CACNA1A: variants seen among roughly 807,000 people sequenced by gnomAD.
The protein encoded by CACNA1A is voltage-dependent P/Q-type calcium channel subunit alpha-1A.
In CACNA1A, 57 loss-of-function variants were observed where a neutral mutation model predicts 262.4. That is an observed-to-expected ratio of 0.22 (90% CI 0.18 to 0.27). CACNA1A has a LOEUF of 0.27. Among genes scored for constraint, CACNA1A ranks in the 10% least tolerant of loss-of-function variants. The pLI, the probability that CACNA1A is intolerant of heterozygous loss-of-function variation, is 1.00. For missense variants in CACNA1A, 2,526 were observed against 3,562.8 expected (o/e 0.71, Z 7.41); for synonymous variants, 1,431 against 1,419.3 (o/e 1.01, Z -0.18).
At chr19:13,473,760 C>A (rs1469025700) in intron 1 of CACNA1A, among the ~76,000 whole-genome samples, 1 of 151,812 alleles carries the variant, frequency 6.6e-6, no homozygotes, top group African/African-American at 2.4e-5. Context: ...CCCCCACCCC[C>A]CTGCCTCCCA....
chr19:13,381,632 C>T (rs1322744287), intron 3 of CACNA1A, among the ~76,000 whole-genome samples: 2 of 152,124 alleles, frequency 1.3e-5, no homozygotes, highest in Admixed American at 6.6e-5. Flanking sequence ...ATGGAACAGC[C>T]GGTGCAAAGG....
intron 3 of CACNA1A, among the ~76,000 whole-genome samples, chr19:13,379,246 G>A (rs1324423020): frequency 6.6e-6 from 1 of 152,108 alleles, no homozygotes; most frequent in Non-Finnish European, 1.5e-5. Context: ...CTCCCAAAGT[G>A]TTGGGATTAC....
chr19:13,345,708 G>A lies in CACNA1A; in HGVS notation c.979-9799C>T, dbSNP rs1205582150. On this transcript the variant is annotated intron_variant, in intron 6 of 46. Transcript: ENST00000360228. The stretch of plus-strand genomic sequence containing the variant: ...CTCCAGTATATGGGATAAACATGGG[G>A]GTGGATTTGAGTGTGAAAAAGCTGA... 2.6e-5 allele frequency among the ~76,000 whole-genome samples: 4 copies of A among 152,074 alleles called. No individual in the cohort carries two copies. In the East Asian group the frequency reaches 7.7e-4, roughly 29 times the overall value.
intron 38 of CACNA1A, among the ~76,000 whole-genome samples, chr19:13,217,477 T>G (rs1050440588): frequency 6.6e-6 from 1 of 152,182 alleles, no homozygotes; most frequent in Admixed American, 6.5e-5. Context: ...GCTGCCACTG[T>G]TATCACTCTT....
intron 3 of CACNA1A, among the ~76,000 whole-genome samples, chr19:13,408,585 T>C (rs1325453423): frequency 4.6e-5 from 7 of 152,156 alleles, no homozygotes; most frequent in Admixed American, 4.6e-4. Flanking sequence ...CCACTGTGTG[T>C]GGGGTGCTAG....
At chr19:13,321,945 C>T (rs987583228) in intron 10 of CACNA1A, among the ~76,000 whole-genome samples, 1 of 152,004 alleles carries the variant, frequency 6.6e-6, no homozygotes, top group Non-Finnish European at 1.5e-5. Context: ...GGCTCGTGCC[C>T]GTAATCCCAA....
intron 30 of CACNA1A, among the ~76,000 whole-genome samples, chr19:13,250,784 A>G (rs1211950754): frequency 6.6e-6 from 1 of 152,238 alleles, no homozygotes; most frequent in Non-Finnish European, 1.5e-5. Context: ...TTGTAAATGC[A>G]TAACAAAATA....
intron 38 of CACNA1A, among the ~76,000 whole-genome samples, chr19:13,218,608 C>T (rs936310606): frequency 6.6e-6 from 1 of 150,964 alleles, no homozygotes; most frequent in African/African-American, 2.4e-5. Context: ...GAGACAGAGT[C>T]TTGCTCTGTT....
intron 6 of CACNA1A, among the ~76,000 whole-genome samples, chr19:13,359,320 C>A (rs766833024): frequency 6.6e-6 from 1 of 152,128 alleles, no homozygotes; most frequent in Non-Finnish European, 1.5e-5. Flanking sequence ...ATAACCTTTC[C>A]GTATTCAAAA....
intron 30 of CACNA1A, among the ~76,000 whole-genome samples, chr19:13,246,352 T>G (rs1199053171): frequency 2.0e-5 from 3 of 152,136 alleles, no homozygotes; most frequent in Non-Finnish European, 4.4e-5. Flanking sequence ...GTGGAAGCAG[T>G]GTGGTCACTT....
intron 5 of CACNA1A, among the ~76,000 whole-genome samples, chr19:13,360,661 G>A (rs909848627): frequency 2.6e-5 from 4 of 151,720 alleles, no homozygotes; most frequent in South Asian, 2.1e-4. Flanking sequence ...TATTTTTAGT[G>A]GAGATGGGGT....
intron 3 of CACNA1A, among the ~76,000 whole-genome samples, chr19:13,391,215 T>C (rs2059705487): frequency 1.3e-5 from 2 of 152,290 alleles, no homozygotes; most frequent in Admixed American, 6.5e-5. Flanking sequence ...ACAAATATCT[T>C]AGTTTTCATG....
At chr19:13,355,969 C>T (rs529751245) in intron 6 of CACNA1A, among the ~76,000 whole-genome samples, 1 of 152,140 alleles carries the variant, frequency 6.6e-6, no homozygotes, top group Non-Finnish European at 1.5e-5. Context: ...CAGAAATCAT[C>T]CCTGGGCGAG....
chr19:13,210,580 G>A (rs951441589), intron 44 of CACNA1A, 37 bp downstream of exon 44: 18 of 1,543,384 alleles, frequency 1.2e-5, no homozygotes, highest in African/African-American at 5.5e-5. Context: ...AGAGGGGGCC[G>A]GAGCCCTGCT....
chr19:13,447,140 G>A (rs1157197709), intron 3 of CACNA1A, among the ~76,000 whole-genome samples: 1 of 152,142 alleles, frequency 6.6e-6, no homozygotes, highest in Non-Finnish European at 1.5e-5. Context: ...AGAATAGAAG[G>A]TCTTCATGAT....
intron 17 of CACNA1A, 42 bp from the exon 18 acceptor site, chr19:13,300,698 G>C: frequency 6.6e-7 from 1 of 1,503,938 alleles, no homozygotes; most frequent in Non-Finnish European, 9.3e-7. Context: ...ACATGAACTA[G>C]GCCTTGGGGA....
At chr19:13,276,092 C>A in intron 23 of CACNA1A, 136 bp from the exon 24 acceptor site, 1 of 616,726 alleles carries the variant, frequency 1.6e-6, no homozygotes, top group Non-Finnish European at 2.9e-6. Flanking sequence ...TGGGCAGTGG[C>A]CAGAGGACTC....
intron 24 of CACNA1A, 28 bp downstream of exon 24, chr19:13,275,822 C>A: frequency 6.8e-7 from 1 of 1,480,700 alleles, no homozygotes. Flanking sequence ...GGAAAAGAGG[C>A]AAGAGGAACC....
intron 3 of CACNA1A, among the ~76,000 whole-genome samples, chr19:13,407,347 C>T (rs567649433): frequency 5.2e-4 from 79 of 152,282 alleles, no homozygotes; most frequent in Non-Finnish European, 7.9e-4. Context: ...TTTGCTCTTA[C>T]GAGAAAATGG....
Sources: gnomAD v4.1 joint callset for allele counts (sites outside exome capture counted in the v4.1 genomes callset) on GRCh38, gnomAD v4.1.1 for gene constraint, MANE v1.5 for transcripts, NCBI Gene and HGNC (gene_info 2026-07-23, HGNC 2026-07-21) for gene names.